PABPC4L: variants seen among roughly 807,000 people sequenced by gnomAD.
PABPC4L encodes the protein poly(A) binding protein cytoplasmic 4 like.
For synonymous variants in PABPC4L, 169 were observed against 164.1 expected (o/e 1.03, Z -0.23); for missense variants, 452 against 451.4 (o/e 1.00, Z -0.01).
In PABPC4L at chr4:134,200,763, G is replaced by A; in HGVS notation, c.257C>T (p.Ser86Phe). Residue 86 changes from serine to phenylalanine, a missense_variant, in exon 2 of 2, where the codon TCT becomes TTT. Physicochemically the swap from Ser to Phe is radical, Grantham distance 155. Transcript: ENST00000421491. ...IKGKSIRLMW[S>F]QRDAYLRRSG... ...TCTCCTCAAGTAGGCATCGCGCTGAGACCACATGAGACGGATGGATTTGCC... is the reference window on the plus strand; with the variant it reads ...TCTCCTCAAGTAGGCATCGCGCTGAAACCACATGAGACGGATGGATTTGCC... 1 of 1,551,756 alleles carries A rather than the reference G, an allele frequency of 6.4e-7. No individual in the cohort carries two copies. The highest frequency in any genetic ancestry group is 8.7e-7 in the Non-Finnish European group (1 of 1,147,010).
the PABPC4L span, among the ~76,000 whole-genome samples, chr4:134,178,263 G>A: frequency 6.6e-6 from 1 of 151,572 alleles, no homozygotes; most frequent in Non-Finnish European, 1.5e-5. Flanking sequence ...AGTTAGTGGA[G>A]GAGGTTCCTC....
chr4:134,084,034 G>A, the PABPC4L span, among the ~76,000 whole-genome samples: 1 of 151,986 alleles, frequency 6.6e-6, no homozygotes, highest in African/African-American at 2.4e-5. Context: ...TTAATTTTGT[G>A]TCTAATGTTA....
chr4:134,187,155 A>G, the PABPC4L span, among the ~76,000 whole-genome samples: 1 of 152,096 alleles, frequency 6.6e-6, no homozygotes, highest in African/African-American at 2.4e-5. Context: ...AGGATCTAGA[A>G]CTAGAAATAC....
chr4:134,115,299 A>G, the PABPC4L span, among the ~76,000 whole-genome samples: 68,702 of 151,594 alleles, frequency 0.45, 18,061 homozygotes, highest in East Asian at 0.98. Flanking sequence ...CTCTGTCCTC[A>G]TTAAGCTTAT....
At chr4:134,081,723 T>C in the PABPC4L span, among the ~76,000 whole-genome samples, 19 of 150,934 alleles carry the variant, frequency 1.3e-4, no homozygotes, top group African/African-American at 4.6e-4. Context: ...GGTAGAAAAA[T>C]GTAAAAAAAA....
chr4:134,158,847 C>T, the PABPC4L span, among the ~76,000 whole-genome samples: 1 of 152,000 alleles, frequency 6.6e-6, no homozygotes, highest in African/African-American at 2.4e-5. Flanking sequence ...TGCATTTACA[C>T]AAACTTAGAT....
the PABPC4L span, among the ~76,000 whole-genome samples, chr4:133,992,196 C>T: frequency 1.9e-4 from 29 of 152,162 alleles, no homozygotes; most frequent in African/African-American, 6.8e-4. Flanking sequence ...TCAGTATGGT[C>T]GCCCTGCAAA....
At chr4:134,123,869 T>A in the PABPC4L span, among the ~76,000 whole-genome samples, 1 of 151,736 alleles carries the variant, frequency 6.6e-6, no homozygotes, top group African/African-American at 2.4e-5. Flanking sequence ...AGCCAAAGAC[T>A]ACCAGATGCA....
chr4:133,982,347 TTTAG>T, the PABPC4L span, among the ~76,000 whole-genome samples: 4 of 152,002 alleles, frequency 2.6e-5, no homozygotes, highest in Admixed American at 2.6e-4. Context: ...GACCTTAACC[TTTAG>T]TTAAACAGGT....
At chr4:133,963,168 C>A in the PABPC4L span, among the ~76,000 whole-genome samples, 1 of 152,034 alleles carries the variant, frequency 6.6e-6, no homozygotes, top group Non-Finnish European at 1.5e-5. Context: ...AAAATGGACA[C>A]CAAAATTGAG....
the PABPC4L span, among the ~76,000 whole-genome samples, chr4:134,063,219 C>T: frequency 6.6e-6 from 1 of 151,988 alleles, no homozygotes. Flanking sequence ...GAAAGAAAAG[C>T]TGTGTGAGAA....
chr4:133,985,106 G>A, the PABPC4L span, among the ~76,000 whole-genome samples: 16,717 of 151,878 alleles, frequency 0.11, 1,259 homozygotes, highest in Admixed American at 0.19. Flanking sequence ...CCAAGAAAAC[G>A]TTACATAAAC....
chr4:134,073,979 G>T, the PABPC4L span, among the ~76,000 whole-genome samples: 8 of 152,138 alleles, frequency 5.3e-5, no homozygotes, highest in Admixed American at 3.3e-4. Flanking sequence ...CTGATGGAGG[G>T]TCTGCTGAGA....
the PABPC4L span, among the ~76,000 whole-genome samples, chr4:134,148,238 T>C: frequency 2.0e-5 from 3 of 152,136 alleles, no homozygotes; most frequent in African/African-American, 4.8e-5. Context: ...TATCTTTACC[T>C]TACATTGCTC....
chr4:134,076,722 G>T, the PABPC4L span, among the ~76,000 whole-genome samples: 1 of 152,100 alleles, frequency 6.6e-6, no homozygotes, highest in Non-Finnish European at 1.5e-5. Context: ...AAGCAACTGA[G>T]CATGTGGGTC....
At chr4:133,978,553 C>CTGTGTGTG in the PABPC4L span, among the ~76,000 whole-genome samples, 2 of 148,814 alleles carry the variant, frequency 1.3e-5, no homozygotes, top group African/African-American at 4.9e-5. Flanking sequence ...GAGGTGGAGG[C>CTGTGTGTG]TGTGTGTGTG....
At chr4:133,977,809 T>C in the PABPC4L span, among the ~76,000 whole-genome samples, 6 of 152,314 alleles carry the variant, frequency 3.9e-5, no homozygotes, top group African/African-American at 1.4e-4. Context: ...CCATGCCAGA[T>C]GCTATGTATT....
chr4:134,097,708 C>A, the PABPC4L span, among the ~76,000 whole-genome samples: 1 of 151,886 alleles, frequency 6.6e-6, no homozygotes, highest in South Asian at 2.1e-4. Context: ...CAAAACAAAT[C>A]ACGACTCGAC....
the PABPC4L span, among the ~76,000 whole-genome samples, chr4:133,973,136 G>A: frequency 8.5e-5 from 13 of 152,112 alleles, no homozygotes; most frequent in Non-Finnish European, 1.5e-4. Flanking sequence ...AGCAAGAATA[G>A]TTGATAGAGG....
Sources: gnomAD v4.1 joint callset for allele counts (sites outside exome capture counted in the v4.1 genomes callset) on GRCh38, gnomAD v4.1.1 for gene constraint, MANE v1.5 for transcripts, NCBI Gene and HGNC (gene_info 2026-07-23, HGNC 2026-07-21) for gene names.